Variants in HERC1 observed in about 807,000 individuals in gnomAD.
HERC1 encodes HECT and RLD domain containing E3 ubiquitin protein ligase family member 1.
In HERC1, 160 loss-of-function variants were observed where a neutral mutation model predicts 554.3. The ratio of observed to expected loss-of-function variants is 0.29; its 90% CI spans 0.25 to 0.33. HERC1 has a LOEUF of 0.33. HERC1 is among the 10% of genes least tolerant of loss of function. HERC1 has a pLI of 1.00. For synonymous variants in HERC1, 2,175 were observed against 2,131.7 expected, an observed-to-expected ratio of 1.02 and a Z score of -0.56; for missense variants, 4,919 against 5,918.5, an observed-to-expected ratio of 0.83 and a Z score of 5.54.
chr15:63,671,059 C>T (rs908816793), intron 39 of HERC1, among the ~76,000 whole-genome samples: 3 of 151,806 alleles, frequency 2.0e-5, no homozygotes, highest in African/African-American at 2.4e-5. Flanking sequence ...AAAAGTTAGC[C>T]GGGAGTGGTA....
intron 1 of HERC1, among the ~76,000 whole-genome samples, chr15:63,791,501 G>A (rs1231328737): frequency 1.3e-5 from 2 of 152,148 alleles, no homozygotes; most frequent in African/African-American, 4.8e-5. Flanking sequence ...TCAGCAGAGG[G>A]AAGTTCAAAG....
At chr15:63,616,039 A>G in intron 75 of HERC1, 119 bp from the exon 76 acceptor site, 2 of 842,170 alleles carry the variant, frequency 2.4e-6, no homozygotes. Flanking sequence ...AAAAACAAGG[A>G]ACACAAAACA....
At chr15:63,752,923 A>G (rs371285022) in intron 8 of HERC1, 35 bp downstream of exon 8, 335 of 1,590,256 alleles carry the variant, frequency 2.1e-4, no homozygotes, top group Non-Finnish European at 2.7e-4. Context: ...CCTCTGAAAT[A>G]CTCTAAGTCT....
chr15:63,707,928 CAAAAAAAAAAAA>C (rs71131176), intron 24 of HERC1, among the ~76,000 whole-genome samples: 41 of 55,212 alleles, frequency 7.4e-4, no homozygotes, highest in Admixed American at 5.3e-3. Context: ...GACTCCCTCT[CAAAAAAAAAAAA>C]AAAAAAAAAA....
intron 41 of HERC1, 95 bp from the exon 42 acceptor site, chr15:63,666,245 T>C: frequency 7.3e-7 from 1 of 1,378,644 alleles, no homozygotes; most frequent in South Asian, 1.3e-5. Flanking sequence ...TGTAACAAAA[T>C]ATAGTGTTAA....
chr15:63,655,374 AG>A (rs1423321761), intron 50 of HERC1, among the ~76,000 whole-genome samples: 2 of 152,182 alleles, frequency 1.3e-5, no homozygotes, highest in African/African-American at 4.8e-5. Context: ...AAAAAACAAA[AG>A]CCAGTTATCT....
chr15:63,675,138 A>G lies in HERC1; in HGVS notation c.7071-21T>C, dbSNP rs2071130241. 1.9e-6 allele frequency: 3 copies of G among 1,551,628 alleles called. No individual in the cohort carries two copies. In the South Asian group the frequency reaches 3.7e-5, roughly 19 times the overall value. On this transcript the variant is annotated intron_variant, in intron 37 of 77. Transcript: ENST00000443617. Reference sequence around the variant, plus strand: ...GGAAGCTTTAATAAAGATCAGAATGACACAGGAAGAAGCAAGTGAGGGAAA... The same window carrying G: ...GGAAGCTTTAATAAAGATCAGAATGGCACAGGAAGAAGCAAGTGAGGGAAA...
At position 63,654,275 on chromosome 15, in the gene HERC1, C is replaced by T; in HGVS notation, c.10134G>A (p.Arg3378=). The T allele has an allele frequency of 6.2e-7, 1 of 1,613,968 alleles. No homozygotes were observed. Among genetic ancestry groups the T allele is most frequent in the East Asian group, 2.2e-5 (1 of 44,860 alleles). Residue 3378 remains arginine (R), a synonymous_variant, in exon 51 of 78, where the codon AGG becomes AGA. Coordinates refer to ENST00000443617, the MANE Select transcript of HERC1 (RefSeq NM_003922.4). ...NALAACCLSS[R]LSSQHRQWAA... is the part of the protein sequence containing the mutation. ...CCCATTGCCGATGCTGTGAGGACAG[C>T]CTGGAGGAGAGGCAGCAGGCTGCCA... is the stretch of plus-strand genomic sequence containing the variant.
rs1243706885 is a variant in HERC1 at position 63,633,933 on chromosome 15, G to A, written c.12608C>T (p.Ala4203Val). The part of the protein sequence containing the change: ...CGLNHTLAVS[A>V]DGSMVWAFGD... ...AAAAGCCCACACCATGGAACCATCT[G>A]CTGACACTGCCAAAGTGTGGTTTAA... Residue 4203 changes from alanine (A) to valine (V), a missense_variant, in exon 67 of 78, where the codon GCA becomes GTA. Physicochemically the swap from Ala to Val is moderately conservative, Grantham distance 64. Transcript: ENST00000443617. The A allele has an allele frequency of 6.2e-7, 1 of 1,613,890 alleles. No homozygotes were observed. Among genetic ancestry groups the A allele is most frequent in the Non-Finnish European group, 8.5e-7 (1 of 1,179,830 alleles).
chr15:63,809,040 C>T (rs1012159629), intron 1 of HERC1, among the ~76,000 whole-genome samples: 12 of 152,036 alleles, frequency 7.9e-5, no homozygotes, highest in African/African-American at 2.9e-4. Context: ...GAAGTAAGTA[C>T]TCTGGCTAGC....
intron 1 of HERC1, among the ~76,000 whole-genome samples, chr15:63,793,363 T>C (rs972212145): frequency 8.5e-5 from 13 of 152,228 alleles, no homozygotes; most frequent in African/African-American, 3.1e-4. Context: ...TGGTAGTCCA[T>C]ACTGCTCATT....
Position 63,709,835 on chromosome 15 carries a change from C to A in HERC1, c.4584+2940G>T, listed in dbSNP as rs530114199. 1.1e-4 allele frequency among the ~76,000 whole-genome samples: 17 copies of A among 152,286 alleles called. No homozygotes were observed. The East Asian group carries it at 3.3e-3, about 29-fold the overall frequency. On this transcript the variant is annotated intron_variant, in intron 24 of 77. Transcript: ENST00000443617. ...ACATACTAATAATACATAAATAAGTCCAACATAAGACAAACGGTAAATTAT... is the reference window on the plus strand; with the variant it reads ...ACATACTAATAATACATAAATAAGTACAACATAAGACAAACGGTAAATTAT...
chr15:63,778,171 G>A (rs887122029), intron 1 of HERC1, among the ~76,000 whole-genome samples: 25 of 152,136 alleles, frequency 1.6e-4, no homozygotes, highest in African/African-American at 5.8e-4. Context: ...AACCAATCCA[G>A]GGTACATGCT....
At chr15:63,797,713 G>T (rs898260530) in intron 1 of HERC1, among the ~76,000 whole-genome samples, 1 of 152,192 alleles carries the variant, frequency 6.6e-6, no homozygotes, top group Admixed American at 6.5e-5. Context: ...CAATGTAGTG[G>T]TCTCTGTTAA....
chr15:63,714,369 G>A (rs2073440340), intron 22 of HERC1, among the ~76,000 whole-genome samples: 1 of 151,942 alleles, frequency 6.6e-6, no homozygotes, highest in African/African-American at 2.4e-5. Context: ...TTTAATATAT[G>A]GGGCAAGATT....
chr15:63,716,151 C>T, intron 22 of HERC1, 151 bp downstream of exon 22: 1 of 667,604 alleles, frequency 1.5e-6, no homozygotes, highest in Non-Finnish European at 2.5e-6. Context: ...TGTAGGAGCC[C>T]CTGTCAGCTA....
rs114518520 is a variant in HERC1 at position 63,668,837 on chromosome 15, C to T, written c.8206+701G>A. On this transcript the variant is annotated intron_variant, in intron 40 of 77. Coordinates refer to ENST00000443617, the MANE Select transcript of HERC1 (RefSeq NM_003922.4). Reference sequence around the variant, plus strand: ...CTATTATCGTCACAGATTTCAACAACACTCTCTCAATAATAGACAGAACAA... The same window carrying T: ...CTATTATCGTCACAGATTTCAACAATACTCTCTCAATAATAGACAGAACAA... Among the ~76,000 whole-genome samples, 837 of 152,306 alleles carry T rather than the reference C, an allele frequency of 5.5e-3. 5 individuals carry two copies. Among genetic ancestry groups the T allele is most frequent in the African/African-American group, 0.018 (764 of 41,564 alleles).
At chr15:63,641,698 C>T in intron 59 of HERC1, 55 bp from the exon 60 acceptor site, 2 of 1,406,172 alleles carry the variant, frequency 1.4e-6, no homozygotes, top group Non-Finnish European at 9.5e-7. Flanking sequence ...AAAAATAATG[C>T]TATCACCATT....
intron 2 of HERC1, among the ~76,000 whole-genome samples, chr15:63,772,526 T>C (rs2075985316): frequency 6.6e-6 from 1 of 150,912 alleles, no homozygotes; most frequent in African/African-American, 2.4e-5. Context: ...ATATTAAATA[T>C]ATTATTTTAG....
Sources: allele counts gnomAD v4.1 joint callset (sites outside exome capture counted in the v4.1 genomes callset), GRCh38; gene constraint gnomAD v4.1.1; transcripts MANE v1.5; gene names NCBI Gene and HGNC (gene_info 2026-07-23, HGNC 2026-07-21).